Variants in ADAMTS6 observed in about 807,000 individuals in gnomAD.
The protein encoded by ADAMTS6 is ADAM metallopeptidase with thrombospondin type 1 motif 6.
In ADAMTS6, 23 loss-of-function variants were observed where a neutral mutation model predicts 144.3. The ratio of observed to expected loss-of-function variants is 0.16; its 90% CI spans 0.11 to 0.23. ADAMTS6 has a LOEUF of 0.23. ADAMTS6 is among the 10% of genes least tolerant of loss of function. The pLI is 1.00. For synonymous variants in ADAMTS6, 444 were observed against 457.5 expected, an observed-to-expected ratio of 0.97 and a Z score of 0.38; for missense variants, 999 against 1,379.6, an observed-to-expected ratio of 0.72 and a Z score of 4.37.
At chr5:65,439,594 A>G (rs936280217) in intron 7 of ADAMTS6, among the ~76,000 whole-genome samples, 1 of 152,166 alleles carries the variant, frequency 6.6e-6, no homozygotes, top group Non-Finnish European at 1.5e-5. Context: ...GAACTGTTCC[A>G]AATCAAAAGA....
chr5:65,275,401 AAGAAAGAAAG>A (rs1245533258), intron 11 of ADAMTS6, among the ~76,000 whole-genome samples: 28 of 147,418 alleles, frequency 1.9e-4, no homozygotes, highest in African/African-American at 5.4e-4. Flanking sequence ...GAAAGAAAGA[AAGAAAGAAAG>A]AAAGAAAAGA....
At chr5:65,472,944 G>A (rs990059461) in intron 2 of ADAMTS6, among the ~76,000 whole-genome samples, 2 of 152,066 alleles carry the variant, frequency 1.3e-5, no homozygotes, top group Non-Finnish European at 2.9e-5. Context: ...AATCCAAAAG[G>A]TATGCCTCTC....
intron 7 of ADAMTS6, among the ~76,000 whole-genome samples, chr5:65,355,035 T>C (rs1186734286): frequency 6.6e-6 from 1 of 151,826 alleles, no homozygotes; most frequent in Admixed American, 6.6e-5. Flanking sequence ...ATTCTTTTAG[T>C]CTCGTGAGTC....
intron 21 of ADAMTS6, among the ~76,000 whole-genome samples, chr5:65,195,524 G>A (rs781689048): frequency 6.6e-6 from 1 of 152,174 alleles, no homozygotes; most frequent in Non-Finnish European, 1.5e-5. Context: ...AGATTCAAAT[G>A]TTCAGGCAGA....
intron 7 of ADAMTS6, among the ~76,000 whole-genome samples, chr5:65,435,276 C>A (rs1476389874): frequency 6.6e-6 from 1 of 152,066 alleles, no homozygotes; most frequent in Non-Finnish European, 1.5e-5. Flanking sequence ...AGGATACATA[C>A]AAATTCAGGA....
At chr5:65,480,460 C>G (rs1014204732) in intron 1 of ADAMTS6, among the ~76,000 whole-genome samples, 6 of 152,184 alleles carry the variant, frequency 3.9e-5, no homozygotes, top group African/African-American at 1.4e-4. Context: ...GTGACCCAGA[C>G]AGTTGGCATC....
chr5:65,372,955 A>C (rs1240928371), intron 7 of ADAMTS6, among the ~76,000 whole-genome samples: 13 of 152,148 alleles, frequency 8.5e-5, no homozygotes, highest in Admixed American at 8.5e-4. Context: ...TAAGAATCTC[A>C]CTCAAAACCA....
intron 13 of ADAMTS6, among the ~76,000 whole-genome samples, chr5:65,261,803 GAACT>G (rs1416740014): frequency 1.3e-5 from 2 of 151,320 alleles, no homozygotes; most frequent in African/African-American, 2.4e-5. Flanking sequence ...TGGAAACACA[GAACT>G]AACATAAAGC....
At chr5:65,259,257 C>G (rs1760957351) in intron 14 of ADAMTS6, among the ~76,000 whole-genome samples, 1 of 151,894 alleles carries the variant, frequency 6.6e-6, no homozygotes, top group African/African-American at 2.4e-5. Flanking sequence ...ACCTGTAATA[C>G]AGCTACTCGG....
chr5:65,207,179 T>A (rs979528999), intron 20 of ADAMTS6, among the ~76,000 whole-genome samples: 21 of 152,140 alleles, frequency 1.4e-4, no homozygotes, highest in African/African-American at 4.8e-4. Context: ...CCCAAAGAAC[T>A]GCAAAGCAAT....
chr5:65,255,905 T>A (rs550171082), intron 14 of ADAMTS6, among the ~76,000 whole-genome samples: 46 of 152,310 alleles, frequency 3.0e-4, no homozygotes, highest in African/African-American at 1.1e-3. Context: ...GGTCTCACTG[T>A]CACCCAGGCT....
chr5:65,192,541 G>A (rs1215198888), intron 21 of ADAMTS6, among the ~76,000 whole-genome samples: 2 of 151,830 alleles, frequency 1.3e-5, no homozygotes, highest in Non-Finnish European at 2.9e-5. Context: ...ATTAAAACAC[G>A]GCATGGTAAA....
chr5:65,221,103 C>A (rs1344185219), intron 18 of ADAMTS6, among the ~76,000 whole-genome samples: 1 of 152,118 alleles, frequency 6.6e-6, no homozygotes, highest in Non-Finnish European at 1.5e-5. Context: ...TCTCTCCAGA[C>A]TTCCAGAAAA....
At chr5:65,323,251 T>C (rs1288204478) in intron 9 of ADAMTS6, among the ~76,000 whole-genome samples, 1 of 142,974 alleles carries the variant, frequency 7.0e-6, no homozygotes, top group African/African-American at 2.6e-5. Flanking sequence ...TATCTCCTAA[T>C]GCTATCCCTC....
At chr5:65,310,883 A>G (rs1309908750) in intron 9 of ADAMTS6, among the ~76,000 whole-genome samples, 2 of 152,220 alleles carry the variant, frequency 1.3e-5, no homozygotes, top group Non-Finnish European at 2.9e-5. Context: ...TTTTCTTCAT[A>G]ACACTACACA....
intron 7 of ADAMTS6, among the ~76,000 whole-genome samples, chr5:65,386,156 C>G (rs961336360): frequency 2.0e-5 from 3 of 152,128 alleles, no homozygotes; most frequent in African/African-American, 7.2e-5. Context: ...ATATGTTTTT[C>G]TTCTCATTGA....
chr5:65,379,304 C>G (rs765520014), intron 7 of ADAMTS6, among the ~76,000 whole-genome samples: 7 of 152,096 alleles, frequency 4.6e-5, no homozygotes, highest in Non-Finnish European at 1.0e-4. Context: ...AGATAAATGT[C>G]TCTAGGGATT....
Position 65,291,263 on chromosome 5 carries a change from A to T in ADAMTS6, c.1512+66T>A, listed in dbSNP as rs546475103. The T allele has an allele frequency of 2.6e-6, 4 of 1,531,290 alleles. No homozygotes were observed. The Admixed American group carries it at 6.0e-5, about 23-fold the overall frequency. 94.9% of individuals were successfully genotyped at this position (1,531,290 alleles called of 1,614,324 possible). On this transcript the variant is annotated intron_variant, in intron 11 of 24. Transcript: ENST00000381055. ...GGGAACCGACATTCATCGTAATTCCATCTTAACATCTGTGTCATGGAAGAA... is the reference window on the plus strand; with the variant it reads ...GGGAACCGACATTCATCGTAATTCCTTCTTAACATCTGTGTCATGGAAGAA...
At chr5:65,328,664 T>C (rs1746410367) in intron 9 of ADAMTS6, among the ~76,000 whole-genome samples, 1 of 151,152 alleles carries the variant, frequency 6.6e-6, no homozygotes, top group Non-Finnish European at 1.5e-5. Context: ...TCAACACAAA[T>C]GTTGAAATTT....
Sources: gnomAD v4.1 joint callset for allele counts (sites outside exome capture counted in the v4.1 genomes callset) on GRCh38, gnomAD v4.1.1 for gene constraint, MANE v1.5 for transcripts, NCBI Gene and HGNC (gene_info 2026-07-23, HGNC 2026-07-21) for gene names.